The following KRTAP19-3 variants were observed in gnomAD, a reference collection of about 807,000 sequenced individuals.
The protein encoded by KRTAP19-3 is keratin-associated protein 19-3.
For synonymous variants in KRTAP19-3, 37 were observed against 41.9 expected (o/e 0.88, Z 0.45); for missense variants, 106 against 101.6 (o/e 1.04, Z -0.19).
Position 30,492,011 on chromosome 21 carries a change from A to T in KRTAP19-3, c.-54T>A. 1 of 1,611,336 alleles carries T rather than the reference A, an allele frequency of 6.2e-7. No homozygotes were observed. The highest frequency in any genetic ancestry group is 1.7e-5 in the Admixed American group (1 of 59,880). On this transcript the variant is annotated 5_prime_UTR_variant, in exon 1 of 1. Transcript: ENST00000334063. The stretch of plus-strand genomic sequence containing the variant: ...TGCTCAAGGCAAGGTCCTGAGTGTG[A>T]ATGTTGACATCTGTGCAGGCATGCT...
At position 30,491,767 on chromosome 21, in the gene KRTAP19-3, T is replaced by C. The variant is rs759209612; in HGVS notation, c.191A>G (p.Tyr64Cys). Residue 64 changes from tyrosine (Y) to cysteine (C), a missense_variant, in exon 1 of 1, where the codon TAT becomes TGT. Tyr to Cys is a radical substitution (Grantham distance 194). Transcript: ENST00000334063. ...GYGSGFGGYG[Y>C]GCYRPSYYGG... is the part of the protein sequence containing the mutation. ...ATAGTATGATGGGCGGTAGCAGCCA[T>C]ATCCGTAGCCTCCGAAGCCAGAGCC... The C allele has an allele frequency of 1.9e-6, 3 of 1,613,988 alleles. No individual in the cohort carries two copies. Among genetic ancestry groups the C allele is most frequent in the Non-Finnish European group, 2.5e-6 (3 of 1,180,014 alleles).
In KRTAP19-3 at chr21:30,491,605, T is replaced by A; in HGVS notation, c.*107A>T. ...TTGCCTGAAATTCTGAGATGTTAAA[T>A]TCTTTTGTGCAAATAGCTCCAGCAT... is the stretch of plus-strand genomic sequence containing the variant. On this transcript the variant is annotated 3_prime_UTR_variant, in exon 1 of 1. Coordinates refer to ENST00000334063, the MANE Select transcript of KRTAP19-3 (RefSeq NM_181609.4). 1 of 1,542,698 alleles carries A rather than the reference T, an allele frequency of 6.5e-7. No individual in the cohort carries two copies. Among genetic ancestry groups the A allele is most frequent in the Non-Finnish European group, 8.7e-7 (1 of 1,144,164 alleles).
At position 30,491,529 on chromosome 21, in the gene KRTAP19-3, G is replaced by C. The variant is rs2251071; in HGVS notation, c.*183C>G. On this transcript the variant is annotated 3_prime_UTR_variant, in exon 1 of 1. Coordinates refer to ENST00000334063, the MANE Select transcript of KRTAP19-3 (RefSeq NM_181609.4). The stretch of plus-strand genomic sequence containing the variant: ...AATTCAATCAGCTTTAAAAGCAAAA[G>C]TAGAGAATACTAGGATTATTATAGA... The C allele has an allele frequency of 0.57, 541,694 of 945,742 alleles. 157,169 individuals carry two copies. The highest frequency in any genetic ancestry group is 0.63 in the Middle Eastern group (2,438 of 3,860). The allele number at this position is 945,742 out of a possible 1,614,324, so 58.6% of individuals were successfully genotyped here.
Position 30,491,788 on chromosome 21 carries a change from G to C in KRTAP19-3, c.170C>G (p.Ser57Cys). The change falls in exon 1 of 1, where the codon TCT (serine) becomes TGT (cysteine). Residue 57 changes from serine to cysteine, a missense_variant. Physicochemically the swap from Ser to Cys is moderately radical, Grantham distance 112 (BLOSUM62 -1). Coordinates refer to ENST00000334063, the MANE Select transcript of KRTAP19-3 (RefSeq NM_181609.4). The stretch of plus-strand genomic sequence containing the variant: ...GCCATATCCGTAGCCTCCGAAGCCA[G>C]AGCCATATCCATAGCCTCCAAAGCC... The part of the protein sequence containing the change: ...GSGFGGYGYG[S>C]GFGGYGYGCY... 1 of 1,613,942 alleles carries C rather than the reference G, an allele frequency of 6.2e-7. No homozygotes were observed. The highest frequency in any genetic ancestry group is 8.5e-7 in the Non-Finnish European group (1 of 1,179,958).
chr21:30,491,691 T>C lies in KRTAP19-3; in HGVS notation c.*21A>G, dbSNP rs1985975409. On this transcript the variant is annotated 3_prime_UTR_variant, in exon 1 of 1. Coordinates refer to ENST00000334063, the MANE Select transcript of KRTAP19-3 (RefSeq NM_181609.4). Reference sequence around the variant, plus strand: ...GAAAGTCCTCTTATAATTTCACACATTGTGTTGCTGGGGCAGTAGTTTAAT... The same window carrying C: ...GAAAGTCCTCTTATAATTTCACACACTGTGTTGCTGGGGCAGTAGTTTAAT... The C allele has an allele frequency of 6.2e-7, 1 of 1,613,386 alleles. No individual in the cohort carries two copies. Among genetic ancestry groups the C allele is most frequent in the African/African-American group, 1.3e-5 (1 of 74,912 alleles).
chr21:30,491,763 G>A lies in KRTAP19-3; in HGVS notation c.195C>T (p.Gly65=). ...YGSGFGGYGY[G]CYRPSYYGGY... ...CTCCATAGTATGATGGGCGGTAGCA[G>A]CCATATCCGTAGCCTCCGAAGCCAG... The change falls in exon 1 of 1, where the codon GGC becomes GGT. Residue 65 remains glycine, a synonymous_variant. Transcript: ENST00000334063. The A allele has an allele frequency of 1.9e-6, 3 of 1,614,126 alleles. No individual in the cohort carries two copies. The highest frequency in any genetic ancestry group is 2.5e-6 in the Non-Finnish European group (3 of 1,179,996).
In KRTAP19-3 at chr21:30,491,606, T is replaced by A. The variant is rs1248297874; in HGVS notation, c.*106A>T. On this transcript the variant is annotated 3_prime_UTR_variant, in exon 1 of 1. Coordinates refer to ENST00000334063, the MANE Select transcript of KRTAP19-3 (RefSeq NM_181609.4). ...TGCCTGAAATTCTGAGATGTTAAATTCTTTTGTGCAAATAGCTCCAGCATG... is the reference window on the plus strand; with the variant it reads ...TGCCTGAAATTCTGAGATGTTAAATACTTTTGTGCAAATAGCTCCAGCATG... The A allele has an allele frequency of 8.4e-6, 13 of 1,543,570 alleles. No individual in the cohort carries two copies. Among genetic ancestry groups the A allele is most frequent in the Non-Finnish European group, 1.1e-5 (13 of 1,144,718 alleles).
Position 30,491,743 on chromosome 21 carries a change from T to G in KRTAP19-3, c.215A>C (p.Tyr72Ser). ...GAATCCAGAGAATCCATATCCTCCA[T>G]AGTATGATGGGCGGTAGCAGCCATA... Reference protein sequence around the residue: ...YGYGCYRPSYYGGYGFSGFY With the variant: ...YGYGCYRPSYSGGYGFSGFY Residue 72 changes from tyrosine to serine, a missense_variant, in exon 1 of 1, where the codon TAT becomes TCT. Physicochemically the swap from Tyr to Ser is moderately radical, Grantham distance 144. Coordinates refer to ENST00000334063, the MANE Select transcript of KRTAP19-3 (RefSeq NM_181609.4). The G allele has an allele frequency of 6.2e-7, 1 of 1,614,138 alleles. No homozygotes were observed. Among genetic ancestry groups the G allele is most frequent in the Non-Finnish European group, 8.5e-7 (1 of 1,180,024 alleles).
rs1985974646 is a variant in KRTAP19-3 at position 30,491,654 on chromosome 21, A to G, written c.*58T>C. 1.2e-6 allele frequency: 2 copies of G among 1,605,240 alleles called. No homozygotes were observed. Among genetic ancestry groups the G allele is most frequent in the East Asian group, 2.2e-5 (1 of 44,728 alleles). On this transcript the variant is annotated 3_prime_UTR_variant, in exon 1 of 1. Coordinates refer to ENST00000334063, the MANE Select transcript of KRTAP19-3 (RefSeq NM_181609.4). ...ATGATCTTTGTTGTCCAATGATTGAAGTCAGCTCTGGGAAAGTCCTCTTAT... is the reference window on the plus strand; with the variant it reads ...ATGATCTTTGTTGTCCAATGATTGAGGTCAGCTCTGGGAAAGTCCTCTTAT...
At position 30,491,551 on chromosome 21, in the gene KRTAP19-3, T is replaced by C. The variant is rs1985971213; in HGVS notation, c.*161A>G. The C allele has an allele frequency of 9.1e-7, 1 of 1,103,472 alleles. No individual in the cohort carries two copies. The highest frequency in any genetic ancestry group is 2.4e-5 in the Admixed American group (1 of 42,484). 68.4% of individuals were successfully genotyped at this position (1,103,472 alleles called of 1,614,324 possible). A position where few individuals can be genotyped will look rare whatever the true frequency, so the allele number is the denominator to read the frequency against. ...AAAGTAGAGAATACTAGGATTATTA[T>C]AGAGATGTGGGTATACAGAGAAAAA... On this transcript the variant is annotated 3_prime_UTR_variant, in exon 1 of 1. Coordinates refer to ENST00000334063, the MANE Select transcript of KRTAP19-3 (RefSeq NM_181609.4).
chr21:30,491,821 T>C lies in KRTAP19-3; in HGVS notation c.137A>G (p.Tyr46Cys). 1 of 1,614,066 alleles carries C rather than the reference T, an allele frequency of 6.2e-7. No homozygotes were observed. The highest frequency in any genetic ancestry group is 8.5e-7 in the Non-Finnish European group (1 of 1,180,024). The stretch of plus-strand genomic sequence containing the variant: ...TCCATAGCCTCCAAAGCCAGAGCCA[T>C]ATCCGTAGCCTCCATAGCCACAGCC... ...GSGCGYGGYGYGSGFGGYGYG... is the reference protein window; with the variant it reads ...GSGCGYGGYGCGSGFGGYGYG... Residue 46 changes from tyrosine to cysteine, a missense_variant, in exon 1 of 1, where the codon TAT becomes TGT. Coordinates refer to ENST00000334063, the MANE Select transcript of KRTAP19-3 (RefSeq NM_181609.4).
chr21:30,491,770 C>T lies in KRTAP19-3; in HGVS notation c.188G>A (p.Gly63Glu), dbSNP rs771686451. ...YGYGSGFGGY[G>E]YGCYRPSYYG... ...GTATGATGGGCGGTAGCAGCCATAT[C>T]CGTAGCCTCCGAAGCCAGAGCCATA... The change falls in exon 1 of 1, where the codon GGA (glycine) becomes GAA (glutamate). Residue 63 changes from glycine to glutamate, a missense_variant. Transcript: ENST00000334063. The T allele has an allele frequency of 6.2e-7, 1 of 1,614,102 alleles. No homozygotes were observed. Among genetic ancestry groups the T allele is most frequent in the Admixed American group, 1.7e-5 (1 of 60,002 alleles).
Position 30,491,547 on chromosome 21 carries a change from A to G in KRTAP19-3, c.*165T>C, listed in dbSNP as rs1327477411. ...AGCAAAAGTAGAGAATACTAGGATT[A>G]TTATAGAGATGTGGGTATACAGAGA... On this transcript the variant is annotated 3_prime_UTR_variant, in exon 1 of 1. Transcript: ENST00000334063. The G allele has an allele frequency of 3.0e-5, 32 of 1,064,568 alleles. No individual in the cohort carries two copies. The highest frequency in any genetic ancestry group is 4.1e-6 in the Non-Finnish European group (3 of 736,596). 65.9% of individuals were successfully genotyped at this position (1,064,568 alleles called of 1,614,324 possible). A position where few individuals can be genotyped will look rare whatever the true frequency, so the allele number is the denominator to read the frequency against.
Position 30,491,833 on chromosome 21 carries a change from C to G in KRTAP19-3, c.125G>C (p.Gly42Ala). ...AAAGCCAGAGCCATATCCGTAGCCTCCATAGCCACAGCCAGAACCCAGTCT... is the reference window on the plus strand; with the variant it reads ...AAAGCCAGAGCCATATCCGTAGCCTGCATAGCCACAGCCAGAACCCAGTCT... Reference protein sequence around the residue: ...FRRLGSGCGYGGYGYGSGFGG... With the variant: ...FRRLGSGCGYAGYGYGSGFGG... Residue 42 changes from glycine (G) to alanine (A), a missense_variant, in exon 1 of 1, where the codon GGA (glycine) becomes GCA (alanine). Gly to Ala is a moderately conservative substitution (Grantham distance 60). Transcript: ENST00000334063. 1 of 1,614,162 alleles carries G rather than the reference C, an allele frequency of 6.2e-7. No homozygotes were observed. Among genetic ancestry groups the G allele is most frequent in the Non-Finnish European group, 8.5e-7 (1 of 1,180,020 alleles).
chr21:30,491,865 G>A lies in KRTAP19-3; in HGVS notation c.93C>T (p.Ser31=). 6.2e-7 allele frequency: 1 copy of A among 1,614,148 alleles called. No individual in the cohort carries two copies. The highest frequency in any genetic ancestry group is 8.5e-7 in the Non-Finnish European group (1 of 1,180,034). The change falls in exon 1 of 1, where the codon AGC becomes AGT. Residue 31 remains serine, a synonymous_variant. Transcript: ENST00000334063. ...CACAGCCAGAACCCAGTCTGCGGAA[G>A]CTGCCACATCCACAGCCATAGCCAT... is the stretch of plus-strand genomic sequence containing the variant. ...LGYGYGCGCG[S]FRRLGSGCGY... is the part of the protein sequence containing the mutation.
chr21:30,491,466 G>C lies in KRTAP19-3; in HGVS notation c.*246C>G, dbSNP rs1244362936. ...CATGAACAAAACAGAACCATATTGT[G>C]TTTGAAAATAGAATGTTTTATTGGA... On this transcript the variant is annotated 3_prime_UTR_variant, in exon 1 of 1. Transcript: ENST00000334063. 6.7e-6 allele frequency: 4 copies of C among 600,288 alleles called. No homozygotes were observed. The African/African-American group carries it at 7.4e-5, about 11-fold the overall frequency. 37.2% of individuals were successfully genotyped at this position (600,288 alleles called of 1,614,324 possible). A position where few individuals can be genotyped will look rare whatever the true frequency, so the allele number is the denominator to read the frequency against.
Position 30,491,644 on chromosome 21 carries a change from C to A in KRTAP19-3, c.*68G>T. 6.3e-7 allele frequency: 1 copy of A among 1,599,276 alleles called. No individual in the cohort carries two copies. The highest frequency in any genetic ancestry group is 8.5e-7 in the Non-Finnish European group (1 of 1,170,394). The stretch of plus-strand genomic sequence containing the variant: ...TAGCTCCAGCATGATCTTTGTTGTC[C>A]AATGATTGAAGTCAGCTCTGGGAAA... On this transcript the variant is annotated 3_prime_UTR_variant, in exon 1 of 1. Transcript: ENST00000334063.
At position 30,491,830 on chromosome 21, in the gene KRTAP19-3, C is replaced by G. The variant is rs1288198235; in HGVS notation, c.128G>C (p.Gly43Ala). The G allele has an allele frequency of 1.4e-5, 23 of 1,614,014 alleles. No homozygotes were observed. The highest frequency in any genetic ancestry group is 1.9e-5 in the Non-Finnish European group (22 of 1,180,030). ...RRLGSGCGYG[G>A]YGYGSGFGGY... ...TCCAAAGCCAGAGCCATATCCGTAG[C>G]CTCCATAGCCACAGCCAGAACCCAG... is the stretch of plus-strand genomic sequence containing the variant. Residue 43 changes from glycine (G) to alanine (A), a missense_variant, in exon 1 of 1, where the codon GGC becomes GCC. By Grantham distance (60) the Gly-to-Ala change is moderately conservative. Coordinates refer to ENST00000334063, the MANE Select transcript of KRTAP19-3 (RefSeq NM_181609.4).
rs1985974646 is a variant in KRTAP19-3 at position 30,491,654 on chromosome 21, A to C, written c.*58T>G. On this transcript the variant is annotated 3_prime_UTR_variant, in exon 1 of 1. Coordinates refer to ENST00000334063, the MANE Select transcript of KRTAP19-3 (RefSeq NM_181609.4). ...ATGATCTTTGTTGTCCAATGATTGA[A>C]GTCAGCTCTGGGAAAGTCCTCTTAT... 6.2e-7 allele frequency: 1 copy of C among 1,605,358 alleles called. No individual in the cohort carries two copies. The highest frequency in any genetic ancestry group is 8.5e-7 in the Non-Finnish European group (1 of 1,173,514).
Sources: gnomAD v4.1 joint callset for allele counts on GRCh38, gnomAD v4.1.1 for gene constraint, MANE v1.5 for transcripts, NCBI Gene and HGNC (gene_info 2026-07-23, HGNC 2026-07-21) for gene names.